ATP2B2: variants seen among roughly 807,000 people sequenced by gnomAD.
The protein encoded by ATP2B2 is plasma membrane calcium-transporting ATPase 2.
A neutral mutation model predicts 120.0 loss-of-function variants in ATP2B2; 15 were observed. The observed-to-expected ratio is 0.12, with a 90% CI of 0.08 to 0.19. The LOEUF is 0.19. Among genes scored for constraint, ATP2B2 ranks in the 10% least tolerant of loss-of-function variants. The pLI is 1.00. For synonymous variants in ATP2B2, 694 were observed against 700.3 expected (o/e 0.99, Z 0.14); for missense variants, 1,045 against 1,719.8 (o/e 0.61, Z 6.94).
intron 1 of ATP2B2, among the ~76,000 whole-genome samples, chr3:10,457,026 A>G (rs1169882346): frequency 6.6e-6 from 1 of 152,180 alleles, no homozygotes; most frequent in Non-Finnish European, 1.5e-5. Flanking sequence ...TTTCCTCTGC[A>G]CGTGTGTGTA....
At chr3:10,686,297 C>T (rs1037936447) in intron 1 of ATP2B2, among the ~76,000 whole-genome samples, 6 of 152,116 alleles carry the variant, frequency 3.9e-5, no homozygotes, top group African/African-American at 7.2e-5. Context: ...GAGATTATGT[C>T]TTGGGACACC....
intron 1 of ATP2B2, among the ~76,000 whole-genome samples, chr3:10,648,419 C>G (rs2070374635): frequency 6.6e-6 from 1 of 152,216 alleles, no homozygotes; most frequent in African/African-American, 2.4e-5. Flanking sequence ...ATGTGGGAGG[C>G]CCCTGAGGCT....
At chr3:10,568,894 T>A (rs2068065357) in intron 2 of ATP2B2, among the ~76,000 whole-genome samples, 2 of 152,112 alleles carry the variant, frequency 1.3e-5, no homozygotes, top group Non-Finnish European at 2.9e-5. Flanking sequence ...ACAGGCAAAA[T>A]AAAACCCTAC....
intron 14 of ATP2B2, among the ~76,000 whole-genome samples, chr3:10,351,185 C>A (rs1559546136): frequency 6.6e-6 from 1 of 152,164 alleles, no homozygotes; most frequent in Non-Finnish European, 1.5e-5. Context: ...AGACGGATAT[C>A]TGGGACAATC....
intron 5 of ATP2B2, among the ~76,000 whole-genome samples, chr3:10,399,904 C>T (rs1314379424): frequency 2.0e-5 from 3 of 152,236 alleles, no homozygotes; most frequent in East Asian, 1.9e-4. Context: ...CTTCCTCACA[C>T]GTCTACTGTG....
chr3:10,653,798 T>C (rs1307054477), intron 1 of ATP2B2, among the ~76,000 whole-genome samples: 1 of 152,168 alleles, frequency 6.6e-6, no homozygotes, highest in Non-Finnish European at 1.5e-5. Flanking sequence ...TAGCCTACGA[T>C]ATCCTCCACC....
At chr3:10,361,254 G>A (rs2060890795) in intron 12 of ATP2B2, among the ~76,000 whole-genome samples, 1 of 152,160 alleles carries the variant, frequency 6.6e-6, no homozygotes, top group African/African-American at 2.4e-5. Context: ...CTGACCTCAA[G>A]TAATCCACCT....
intron 2 of ATP2B2, among the ~76,000 whole-genome samples, chr3:10,601,014 C>T (rs944090715): frequency 3.9e-5 from 6 of 152,128 alleles, no homozygotes; most frequent in Non-Finnish European, 8.8e-5. Context: ...ATTCTCGGAG[C>T]CTACAAAACC....
At chr3:10,463,745 T>G (rs896579854) in intron 1 of ATP2B2, among the ~76,000 whole-genome samples, 1 of 152,178 alleles carries the variant, frequency 6.6e-6, no homozygotes, top group Non-Finnish European at 1.5e-5. Flanking sequence ...GCCAGGCCGG[T>G]GTCTTCTGCC....
intron 1 of ATP2B2, among the ~76,000 whole-genome samples, chr3:10,451,771 A>G (rs1010341110): frequency 1.3e-5 from 2 of 152,212 alleles, no homozygotes; most frequent in Admixed American, 1.3e-4. Context: ...TTGGCCATGG[A>G]TGGAACACAC....
At chr3:10,690,275 C>T (rs926095950) in intron 1 of ATP2B2, among the ~76,000 whole-genome samples, 13 of 152,336 alleles carry the variant, frequency 8.5e-5, no homozygotes, top group East Asian at 5.8e-4. Flanking sequence ...CAATCCACTG[C>T]GCGGGCAGCC....
chr3:10,667,041 C>T (rs1168542213), intron 1 of ATP2B2, among the ~76,000 whole-genome samples: 2 of 152,202 alleles, frequency 1.3e-5, no homozygotes, highest in East Asian at 3.8e-4. Flanking sequence ...GGGCTCAGAG[C>T]CTTGGATACC....
At chr3:10,528,038 A>G (rs975394289) in intron 3 of ATP2B2, among the ~76,000 whole-genome samples, 5 of 152,178 alleles carry the variant, frequency 3.3e-5, no homozygotes, top group Non-Finnish European at 7.3e-5. Flanking sequence ...TCGGCAAAAC[A>G]GTGGTCTCTG....
intron 2 of ATP2B2, among the ~76,000 whole-genome samples, chr3:10,436,185 A>G (rs1211610987): frequency 3.3e-5 from 5 of 152,246 alleles, no homozygotes; most frequent in Non-Finnish European, 5.9e-5. Flanking sequence ...CTGGTTGTTA[A>G]TTATAGCCAT....
intron 5 of ATP2B2, among the ~76,000 whole-genome samples, chr3:10,396,132 A>T (rs1362529416): frequency 6.6e-6 from 1 of 152,266 alleles, no homozygotes; most frequent in Non-Finnish European, 1.5e-5. Flanking sequence ...GGCAGAGGCC[A>T]CAGTGGGAGC....
At chr3:10,514,087 C>T (rs979244487) in intron 3 of ATP2B2, among the ~76,000 whole-genome samples, 1 of 152,154 alleles carries the variant, frequency 6.6e-6, no homozygotes, top group Non-Finnish European at 1.5e-5. Flanking sequence ...TGATGATCAC[C>T]CTAATTTTAC....
In ATP2B2 at chr3:10,346,130, G is replaced by T. The variant is rs770333626; in HGVS notation, c.2412C>A (p.Ile804=). The change falls in exon 17 of 23, where the codon ATC becomes ATA. Residue 804 remains isoleucine (I), a synonymous_variant. Coordinates refer to ENST00000360273, the MANE Select transcript of ATP2B2 (RefSeq NM_001001331.4). This position sits in a 1 kb window ranked among gnomAD's most constrained non-coding sequence, Gnocchi z 4.1. ...GCCGCTGCTCAGTGTGTGTGCTGTCGATGATGCCTGTTGGGGCAGGAGTGT... is the reference window on the plus strand; with the variant it reads ...GCCGCTGCTCAGTGTGTGTGCTGTCTATGATGCCTGTTGGGGCAGGAGTGT... ...TDKHTLVKGI[I]DSTHTEQRQV... 6.2e-7 allele frequency: 1 copy of T among 1,610,660 alleles called. No individual in the cohort carries two copies. The highest frequency in any genetic ancestry group is 8.5e-7 in the Non-Finnish European group (1 of 1,179,940).
At chr3:10,579,486 A>G (rs547586103) in intron 2 of ATP2B2, among the ~76,000 whole-genome samples, 1 of 152,330 alleles carries the variant, frequency 6.6e-6, no homozygotes, top group Admixed American at 6.5e-5. Flanking sequence ...CAGCCTGGCT[A>G]ACATGGTGAA....
At chr3:10,338,066 C>A in intron 22 of ATP2B2, 110 bp downstream of exon 22, 1 of 1,458,228 alleles carries the variant, frequency 6.9e-7, no homozygotes, top group Non-Finnish European at 9.4e-7. Flanking sequence ...CTGTAGCCAC[C>A]CTCCCTCAGC....
Sources: allele counts gnomAD v4.1 joint callset (sites outside exome capture counted in the v4.1 genomes callset), GRCh38; gene constraint gnomAD v4.1.1; non-coding constraint Gnocchi (gnomAD v3.1); transcripts MANE v1.5; gene names NCBI Gene and HGNC (gene_info 2026-07-23, HGNC 2026-07-21).